The following ENPP6 variants were observed in gnomAD, a reference collection of about 807,000 sequenced individuals.
ENPP6 encodes ectonucleotide pyrophosphatase/phosphodiesterase 6, also known as glycerophosphocholine cholinephosphodiesterase ENPP6.
A neutral mutation model predicts 42.0 loss-of-function variants in ENPP6; 32 were observed. The observed-to-expected ratio is 0.76, with a 90% CI of 0.58 to 1.02. The LOEUF is 1.02. Ranked by LOEUF, ENPP6 falls within the 50% of genes least tolerant of loss-of-function variation. The probability of loss-of-function intolerance (pLI) is 0.00; values close to 1 mark genes in which losing one functional copy is unlikely to be tolerated. For synonymous variants in ENPP6, 213 were observed against 216.0 expected (o/e 0.99, Z 0.12); for missense variants, 552 against 566.8 (o/e 0.97, Z 0.27).
chr4:184,196,996 T>C (rs1217849115), intron 1 of ENPP6, among the ~76,000 whole-genome samples: 2 of 152,174 alleles, frequency 1.3e-5, no homozygotes, highest in Admixed American at 6.5e-5. Flanking sequence ...TTGGGTAAAG[T>C]CTCTTTGTTT....
chr4:184,169,517 G>A (rs925866071), intron 1 of ENPP6, among the ~76,000 whole-genome samples: 2 of 152,156 alleles, frequency 1.3e-5, no homozygotes, highest in Admixed American at 1.3e-4. Flanking sequence ...GCAGGCCTGG[G>A]ATTTCTGTCA....
At chr4:184,217,188 A>G (rs775008656) in intron 1 of ENPP6, among the ~76,000 whole-genome samples, 3 of 152,178 alleles carry the variant, frequency 2.0e-5, no homozygotes, top group East Asian at 3.9e-4. Context: ...ACATGACCAC[A>G]GAGAAAAGGG....
rs374317373 is a variant in ENPP6, at chr4:184,199,227, A to C, written c.241+18352T>G. 8.9e-4 allele frequency among the ~76,000 whole-genome samples: 135 copies of C among 152,328 alleles called. No individual in the cohort carries two copies. The South Asian group carries it at 0.012, about 14-fold the overall frequency. On this transcript the variant is annotated intron_variant, in intron 1 of 7. Coordinates refer to ENST00000296741, the MANE Select transcript of ENPP6 (RefSeq NM_153343.4). ...GCTCCCTGATGCCTTGACGTGCCCCAGCCTCAAAGTTACCCATCTTCCCTC... is the reference window on the plus strand; with the variant it reads ...GCTCCCTGATGCCTTGACGTGCCCCCGCCTCAAAGTTACCCATCTTCCCTC...
intron 6 of ENPP6, among the ~76,000 whole-genome samples, chr4:184,106,407 C>G (rs1291135049): frequency 6.6e-6 from 1 of 152,170 alleles, no homozygotes; most frequent in East Asian, 1.9e-4. Context: ...CTAAGCAGCC[C>G]CATCTTGTTG....
At chr4:184,098,611 A>C (rs1735949951) in intron 6 of ENPP6, among the ~76,000 whole-genome samples, 2 of 150,104 alleles carry the variant, frequency 1.3e-5, no homozygotes, top group Admixed American at 6.6e-5. Context: ...TCCCTCAACC[A>C]CTCTTCCTTT....
At chr4:184,114,482 G>A (rs139079693) in intron 5 of ENPP6, among the ~76,000 whole-genome samples, 175 of 152,306 alleles carry the variant, frequency 1.1e-3, no homozygotes, top group Admixed American at 1.2e-3. Context: ...GAAATCCGGA[G>A]TTCTTAAGGA....
At chr4:184,094,776 T>C (rs1283322983) in intron 7 of ENPP6, among the ~76,000 whole-genome samples, 4 of 152,250 alleles carry the variant, frequency 2.6e-5, no homozygotes, top group African/African-American at 9.6e-5. Flanking sequence ...TGACTCCCAC[T>C]CCTGCTGTCT....
At chr4:184,116,335 G>GA (rs1736313951) in intron 5 of ENPP6, among the ~76,000 whole-genome samples, 1 of 152,180 alleles carries the variant, frequency 6.6e-6, no homozygotes, top group African/African-American at 2.4e-5. Context: ...TTTCAGAGAA[G>GA]AAAAAACAGA....
intron 1 of ENPP6, among the ~76,000 whole-genome samples, chr4:184,161,194 G>A (rs945481035): frequency 6.6e-6 from 1 of 150,674 alleles, no homozygotes; most frequent in Non-Finnish European, 1.5e-5. Flanking sequence ...AAACAAATCA[G>A]CAAGAAAAAA....
chr4:184,158,660 A>G (rs1737212189), intron 1 of ENPP6, among the ~76,000 whole-genome samples: 1 of 152,188 alleles, frequency 6.6e-6, no homozygotes, highest in Non-Finnish European at 1.5e-5. Context: ...ATGAGTGAAC[A>G]TCTTTTCTAT....
At chr4:184,170,235 TAC>T (rs1737439356) in intron 1 of ENPP6, among the ~76,000 whole-genome samples, 1 of 152,054 alleles carries the variant, frequency 6.6e-6, no homozygotes, top group Admixed American at 6.5e-5. Context: ...TTTGAGACCA[TAC>T]TGGGCAACAT....
At chr4:184,168,488 A>T (rs1196437540) in intron 1 of ENPP6, among the ~76,000 whole-genome samples, 1 of 150,262 alleles carries the variant, frequency 6.7e-6, no homozygotes, top group Non-Finnish European at 1.5e-5. Flanking sequence ...CTTGCACAGG[A>T]AGCTGGAAGC....
rs370411138 is a variant in ENPP6, at chr4:184,093,640, AAATAATAATAAT to A, written c.1118-2270_1118-2259del. Among the ~76,000 whole-genome samples the A allele has an allele frequency of 2.3e-3, 306 of 132,450 alleles. 2 individuals are homozygous for A. Among genetic ancestry groups the A allele is most frequent in the Admixed American group, 3.4e-3 (44 of 12,772 alleles). The allele number at this position is 132,450 out of a possible 152,430, so 86.9% of individuals were successfully genotyped here. A position where few individuals can be genotyped will look rare whatever the true frequency, so the allele number is the denominator to read the frequency against. On this transcript the variant is annotated intron_variant, in intron 7 of 7. Transcript: ENST00000296741. ...GGCAACAGAGCAAGACTCTGTCTCA[AAATAATAATAAT>A]AATAATAATAATAATAATAATAATA...
rs186360439 is a variant in ENPP6 at position 184,193,212 on chromosome 4, T to C, written c.241+24367A>G. Among the ~76,000 whole-genome samples the C allele has an allele frequency of 1.6e-3, 249 of 152,352 alleles. 3 individuals carry two copies. The highest frequency in any genetic ancestry group is 5.7e-3 in the African/African-American group (235 of 41,578). The stretch of plus-strand genomic sequence containing the variant: ...ATGTTCACAGCAGTATTATTCACAA[T>C]GGCCACAAAGTGGAAACAACCCAAA... On this transcript the variant is annotated intron_variant, in intron 1 of 7. Transcript: ENST00000296741.
chr4:184,107,199 G>T (rs974457867), intron 6 of ENPP6, among the ~76,000 whole-genome samples: 5 of 152,192 alleles, frequency 3.3e-5, no homozygotes, highest in African/African-American at 7.2e-5. Flanking sequence ...GCAGGGCAAA[G>T]TCTTTCCAGA....
At chr4:184,190,758 A>T (rs1399966855) in intron 1 of ENPP6, among the ~76,000 whole-genome samples, 2 of 151,858 alleles carry the variant, frequency 1.3e-5, no homozygotes, top group Admixed American at 6.6e-5. Context: ...AATCAGAAGC[A>T]ACTTGTCCAG....
At chr4:184,161,886 G>C (rs1373759219) in intron 1 of ENPP6, among the ~76,000 whole-genome samples, 1 of 152,160 alleles carries the variant, frequency 6.6e-6, no homozygotes, top group African/African-American at 2.4e-5. Flanking sequence ...TGGGGGAAAG[G>C]GTGGGAGGGG....
chr4:184,208,983 C>T (rs936224640), intron 1 of ENPP6, among the ~76,000 whole-genome samples: 8 of 143,144 alleles, frequency 5.6e-5, no homozygotes, highest in South Asian at 4.5e-4. Flanking sequence ...CACACTGACA[C>T]CTCACACGGC....
At chr4:184,158,389 A>G (rs1163328721) in intron 1 of ENPP6, among the ~76,000 whole-genome samples, 1 of 152,098 alleles carries the variant, frequency 6.6e-6, no homozygotes, top group African/African-American at 2.4e-5. Context: ...ATGAAAAGCT[A>G]TCTTAATAAT....
Sources: gnomAD v4.1 joint callset for allele counts (sites outside exome capture counted in the v4.1 genomes callset) on GRCh38, gnomAD v4.1.1 for gene constraint, MANE v1.5 for transcripts, NCBI Gene and HGNC (gene_info 2026-07-23, HGNC 2026-07-21) for gene names.